Variants in ADGRV1 observed in about 807,000 individuals in gnomAD.
ADGRV1 encodes G-protein coupled receptor 98.
In ADGRV1, 359 loss-of-function variants were observed where a neutral mutation model predicts 596.2. The observed-to-expected ratio is 0.60, with a 90% confidence interval of 0.55 to 0.66. The LOEUF is 0.66. Ranked by LOEUF, ADGRV1 falls within the 30% of genes least tolerant of loss-of-function variation. The pLI is 0.00. For missense variants in ADGRV1, 7,274 were observed against 7,575.6 expected, an observed-to-expected ratio of 0.96 and a Z score of 1.48; for synonymous variants, 2,681 against 2,679.2, an observed-to-expected ratio of 1.00 and a Z score of -0.02.
At chr5:90,681,241 C>G in intron 26 of ADGRV1, 74 bp from the exon 27 acceptor site, 1 of 1,537,598 alleles carries the variant, frequency 6.5e-7, no homozygotes, top group Non-Finnish European at 8.8e-7. Context: ...AAAGTTGTTC[C>G]TTGGCTTTTT....
Position 90,745,247 on chromosome 5 carries a change from A to G in ADGRV1, c.10751A>G (p.His3584Arg). 1 of 1,595,568 alleles carries G rather than the reference A, an allele frequency of 6.3e-7. No homozygotes were observed. The highest frequency in any genetic ancestry group is 1.3e-5 in the African/African-American group (1 of 74,588). ...TATGAGCTAGCCTACATTTCCAGCC[A>G]TTCTGACTTTATTCCTAGGTAGGTT... ...HIYELAYISS[H>R]SDFIPSSGEL... The change falls in exon 51 of 90, where the codon CAT becomes CGT. Residue 3584 changes from histidine (H) to arginine (R), a missense_variant. By Grantham distance (29) the His-to-Arg change is conservative. Around this residue, in one of 5 missense-constraint regions of ADGRV1, gnomAD observed 3,643 missense variants for 3,809.2 expected, o/e 0.96. Transcript: ENST00000405460.
At chr5:91,088,492 A>T (rs1199846940) in intron 86 of ADGRV1, among the ~76,000 whole-genome samples, 1 of 152,186 alleles carries the variant, frequency 6.6e-6, no homozygotes, top group Admixed American at 6.5e-5. Context: ...ATTAAACATG[A>T]AATTGAATAG....
chr5:90,653,234 GC>G lies in ADGRV1; in HGVS notation c.3661del (p.Leu1221Ter). 6.2e-7 allele frequency: 1 copy of G among 1,611,898 alleles called. No individual in the cohort carries two copies. Among genetic ancestry groups the G allele is most frequent in the Middle Eastern group, 1.7e-4 (1 of 6,056 alleles). ...GTGGATCCCCAGGTCCTGGGGGCCA[GC>G]TAGCAGAAACCAACCTCCAGGTGAC... is the stretch of plus-strand genomic sequence containing the variant. ...SGGSPGPGGQ[L>X]AETNLQVTVM... is the part of the protein sequence containing the mutation. On this transcript the variant is annotated frameshift_variant, in exon 20 of 90. Transcript: ENST00000405460. LOFTEE classifies it high-confidence loss of function.
intron 1 of ADGRV1, among the ~76,000 whole-genome samples, chr5:90,595,864 G>A (rs1244567071): frequency 2.9e-4 from 44 of 150,128 alleles, no homozygotes; most frequent in Non-Finnish European, 5.2e-4. Context: ...CCTCCCGGAC[G>A]GGGCGGCTGG....
At chr5:90,820,149 T>G (rs1197948031) in intron 75 of ADGRV1, among the ~76,000 whole-genome samples, 5 of 150,926 alleles carry the variant, frequency 3.3e-5, no homozygotes, top group African/African-American at 1.2e-4. Flanking sequence ...CTTGTTGAAT[T>G]GATCCCTTTA....
intron 86 of ADGRV1, among the ~76,000 whole-genome samples, chr5:91,099,604 T>C (rs1562217871): frequency 6.6e-6 from 1 of 152,134 alleles, no homozygotes; most frequent in Non-Finnish European, 1.5e-5. Context: ...TCAGTAGATA[T>C]ATTAAGAATA....
intron 17 of ADGRV1, among the ~76,000 whole-genome samples, chr5:90,649,852 T>G (rs900324889): frequency 2.0e-5 from 3 of 152,022 alleles, no homozygotes; most frequent in African/African-American, 7.3e-5. Flanking sequence ...GAAAATATAT[T>G]TATTAATATT....
rs993424570 is a variant in ADGRV1 at position 90,653,782 on chromosome 5, T to G, written c.4208T>G (p.Leu1403Trp). The part of the protein sequence containing the change: ...HVTLSLHYKT[L>W]GSNATYIAKT... ...ACACTTTCCCTTCATTATAAAACCTTGGGTTCCAATGCTACATACATTGCC... is the reference window on the plus strand; with the variant it reads ...ACACTTTCCCTTCATTATAAAACCTGGGGTTCCAATGCTACATACATTGCC... The change falls in exon 20 of 90, where the codon TTG (leucine) becomes TGG (tryptophan). Residue 1403 changes from leucine to tryptophan, a missense_variant. Physicochemically the swap from Leu to Trp is moderately conservative, Grantham distance 61. Coordinates refer to ENST00000405460, the MANE Select transcript of ADGRV1 (RefSeq NM_032119.4). 6.2e-7 allele frequency: 1 copy of G among 1,613,478 alleles called. No homozygotes were observed. Among genetic ancestry groups the G allele is most frequent in the African/African-American group, 1.3e-5 (1 of 75,060 alleles).
chr5:91,004,076 A>G (rs930284967), intron 85 of ADGRV1, among the ~76,000 whole-genome samples: 6 of 152,160 alleles, frequency 3.9e-5, no homozygotes, highest in African/African-American at 4.8e-5. Context: ...TATTAGAAAA[A>G]GGAAAGAAGC....
intron 85 of ADGRV1, among the ~76,000 whole-genome samples, chr5:91,060,368 A>ATGTGTGTGTGTGTGTG (rs1481100763): frequency 5.2e-5 from 4 of 77,616 alleles, no homozygotes; most frequent in African/African-American, 1.7e-4. Context: ...GCAATTTTAT[A>ATGTGTGTGTGTGTGTG]TGTGTGTGTG....
At chr5:90,931,123 C>T (rs917460067) in intron 83 of ADGRV1, 1 of 152,062 alleles carries the variant, frequency 6.6e-6, no homozygotes, top group Non-Finnish European at 1.5e-5. Context: ...GAAGTGTGTC[C>T]TGGCAAAGCA....
chr5:90,731,928 T>A (rs1296797759), intron 50 of ADGRV1, among the ~76,000 whole-genome samples: 1 of 152,244 alleles, frequency 6.6e-6, no homozygotes, highest in African/African-American at 2.4e-5. Context: ...AGAGTGGCAT[T>A]GGTTTTATTT....
At chr5:91,128,384 A>C (rs982214997) in intron 87 of ADGRV1, among the ~76,000 whole-genome samples, 3 of 152,092 alleles carry the variant, frequency 2.0e-5, no homozygotes, top group Admixed American at 2.0e-4. Context: ...TAGCCCCATC[A>C]TAAGTCTAGA....
intron 4 of ADGRV1, among the ~76,000 whole-genome samples, chr5:90,620,053 A>G (rs1763858877): frequency 6.6e-6 from 1 of 151,892 alleles, no homozygotes; most frequent in Non-Finnish European, 1.5e-5. Flanking sequence ...TAGTGCCGCA[A>G]TAAAAATACG....
chr5:91,136,621 T>A (rs553756915), intron 87 of ADGRV1, among the ~76,000 whole-genome samples: 45 of 152,332 alleles, frequency 3.0e-4, no homozygotes, highest in African/African-American at 1.1e-3. Context: ...GATCTACAGC[T>A]TACAAATATA....
At chr5:90,763,094 T>A in intron 58 of ADGRV1, 2 of 465,600 alleles carry the variant, frequency 4.3e-6, no homozygotes, top group Non-Finnish European at 7.7e-6. Context: ...TCTACCTAAT[T>A]GCAAGAGAAG....
At chr5:90,773,188 A>G (rs911457255) in intron 59 of ADGRV1, among the ~76,000 whole-genome samples, 1 of 150,886 alleles carries the variant, frequency 6.6e-6, no homozygotes, top group Non-Finnish European at 1.5e-5. Context: ...AAAAAAATAC[A>G]TTGAGTCTAC....
At chr5:91,054,685 T>G (rs62376490) in intron 85 of ADGRV1, among the ~76,000 whole-genome samples, 35,837 of 152,098 alleles carry the variant, frequency 0.24, 4,539 homozygotes, top group Non-Finnish European at 0.28. Flanking sequence ...TTATAAGAGT[T>G]CTAATCCCAT....
chr5:90,922,770 A>G (rs1179693057), intron 83 of ADGRV1, among the ~76,000 whole-genome samples: 1 of 152,234 alleles, frequency 6.6e-6, no homozygotes, highest in Non-Finnish European at 1.5e-5. Flanking sequence ...CTGAATTAGC[A>G]TCTGCATTTG....
Sources: allele counts gnomAD v4.1 joint callset (sites outside exome capture counted in the v4.1 genomes callset), GRCh38; gene constraint gnomAD v4.1.1; regional missense constraint gnomAD v4.1.1; transcripts MANE v1.5; gene names NCBI Gene and HGNC (gene_info 2026-07-23, HGNC 2026-07-21).